ROBO3: variants seen among roughly 807,000 people sequenced by gnomAD.
ROBO3 encodes the protein roundabout homolog 3.
A neutral mutation model predicts 160.5 loss-of-function variants in ROBO3; 97 were observed. The observed-to-expected ratio is 0.60, with a 90% CI of 0.51 to 0.72. The LOEUF (loss-of-function observed/expected upper bound fraction) is 0.72. Ranked by LOEUF, ROBO3 falls within the 30% of genes least tolerant of loss-of-function variation. The pLI, the probability that ROBO3 is intolerant of heterozygous loss-of-function variation, is 0.00. For missense variants in ROBO3, 1,858 were observed against 1,846.5 expected (o/e 1.01, Z -0.11); for synonymous variants, 780 against 746.2 (o/e 1.05, Z -0.74).
rs34127060 is a variant in ROBO3, at chr11:124,869,429, G to GCCCCCCC, written c.488-15_488-14insCCCCCCC. 1.4e-4 allele frequency: 183 copies of GCCCCCCC among 1,301,716 alleles called. No individual in the cohort carries two copies. The highest frequency in any genetic ancestry group is 3.1e-4 in the African/African-American group (18 of 58,778). 80.6% of individuals were successfully genotyped at this position (1,301,716 alleles called of 1,614,324 possible). A position where few individuals can be genotyped will look rare whatever the true frequency, so the allele number is the denominator to read the frequency against. Reference sequence around the variant, plus strand: ...TGTCACTCTACACCCTGCTTATTTCGCCCCCCACCGCCCCGCCCAGTCCTC... The same window carrying GCCCCCCC: ...TGTCACTCTACACCCTGCTTATTTCGCCCCCCCCCCCCCACCGCCCCGCCCAGTCCTC... On this transcript the variant is annotated intron_variant, in intron 2 of 27. Transcript: ENST00000397801. This position sits in a 1 kb window ranked among gnomAD's most constrained non-coding sequence, Gnocchi z 4.2.
rs879228827 is a variant in ROBO3 at position 124,869,865 on chromosome 11, A to T, written c.646-83A>T. On this transcript the variant is annotated intron_variant, in intron 3 of 27. Coordinates refer to ENST00000397801, the MANE Select transcript of ROBO3 (RefSeq NM_022370.4). The surrounding 1 kb of genome is among the most constrained non-coding windows in gnomAD (Gnocchi z 4.2). Reference sequence around the variant, plus strand: ...TGTGAGGATCAAATAAACTTTATACATATGTATATACACATATATTCACCA... The same window carrying T: ...TGTGAGGATCAAATAAACTTTATACTTATGTATATACACATATATTCACCA... The T allele has an allele frequency of 6.7e-7, 1 of 1,497,512 alleles. No individual in the cohort carries two copies. The highest frequency in any genetic ancestry group is 1.2e-5 in the South Asian group (1 of 82,566). The allele number at this position is 1,497,512 out of a possible 1,614,324, so 92.8% of individuals were successfully genotyped here.
chr11:124,867,708 C>A, intron 1 of ROBO3, among the ~76,000 whole-genome samples: 1 of 142,064 alleles, frequency 7.0e-6, no homozygotes, highest in South Asian at 2.2e-4. Flanking sequence ...AGAGGGGGGG[C>A]AGGAAATGAA....
rs1208223943 is a variant in ROBO3, at chr11:124,871,146, G to A, written c.1158+8G>A. ...CAGAAGGAGGGGAGTCAGGTGGGTG[G>A]CCATCTCCAAGGAGCTTCCCATCAG... On this transcript the variant is annotated splice_region_variant and intron_variant, in intron 7 of 27. Coordinates refer to ENST00000397801, the MANE Select transcript of ROBO3 (RefSeq NM_022370.4). The A allele has an allele frequency of 3.7e-6, 6 of 1,610,650 alleles. No individual in the cohort carries two copies. Among genetic ancestry groups the A allele is most frequent in the Non-Finnish European group, 4.2e-6 (5 of 1,178,796 alleles).
Position 124,879,241 on chromosome 11 carries a change from G to A in ROBO3, c.3585G>A (p.Leu1195=). 1.9e-6 allele frequency: 3 copies of A among 1,560,798 alleles called. No individual in the cohort carries two copies. The highest frequency in any genetic ancestry group is 1.9e-5 in the Admixed American group (1 of 52,086). ...CTCTCAGTGTATCCCAGCCCATGCT[G>A]GGCATCCGTGAAGCGAGGCCTGCTG... ...SSPLSVSQPM[L]GIREARPAGL... The change falls in exon 24 of 28, where the codon CTG becomes CTA. Residue 1195 remains leucine (L), a synonymous_variant. Coordinates refer to ENST00000397801, the MANE Select transcript of ROBO3 (RefSeq NM_022370.4).
Position 124,865,784 on chromosome 11 carries a change from G to A in ROBO3, c.160+47G>A, listed in dbSNP as rs368900531. ...ATATGGGATCCTGGGATGGGGATGA[G>A]GTGAGAGGGCGGCGTGGAAGGGAAG... On this transcript the variant is annotated intron_variant, in intron 1 of 27. Transcript: ENST00000397801. The surrounding 1 kb of genome is among the most constrained non-coding windows in gnomAD (Gnocchi z 5.5). The A allele has an allele frequency of 9.1e-5, 141 of 1,547,568 alleles. 1 individual carries two copies. In the African/African-American group the frequency reaches 1.7e-3, roughly 19 times the overall value.
chr11:124,868,138 C>T (rs1002984207), intron 1 of ROBO3, among the ~76,000 whole-genome samples: 2 of 152,184 alleles, frequency 1.3e-5, no homozygotes, highest in African/African-American at 4.8e-5. Flanking sequence ...ATTTCTACTG[C>T]TATTTGCGTT....
rs758385638 is a variant in ROBO3 at position 124,865,557 on chromosome 11, C to A, written c.-21C>A. On this transcript the variant is annotated 5_prime_UTR_variant, in exon 1 of 28. Coordinates refer to ENST00000397801, the MANE Select transcript of ROBO3 (RefSeq NM_022370.4). The surrounding 1 kb of genome is among the most constrained non-coding windows in gnomAD (Gnocchi z 5.5). The stretch of plus-strand genomic sequence containing the variant: ...GGGCTGGGCCCCCAGCCCCCAGTCC[C>A]GATCCCAGCTGGGTCGAGCCATGCT... 2 of 1,608,574 alleles carry A rather than the reference C, an allele frequency of 1.2e-6. No individual in the cohort carries two copies. Among genetic ancestry groups the A allele is most frequent in the Non-Finnish European group, 8.5e-7 (1 of 1,179,110 alleles).
At chr11:124,866,056 C>T (rs954524578) in intron 1 of ROBO3, among the ~76,000 whole-genome samples, 1 of 152,144 alleles carries the variant, frequency 6.6e-6, no homozygotes, top group Non-Finnish European at 1.5e-5. Context: ...AAGAAAGGCC[C>T]GGGCCCAGCG....
Position 124,877,542 on chromosome 11 carries a change from C to T in ROBO3, c.2870C>T (p.Ala957Val), listed in dbSNP as rs764017135. The T allele has an allele frequency of 1.0e-5, 16 of 1,601,272 alleles. No individual in the cohort carries two copies. The highest frequency in any genetic ancestry group is 2.3e-5 in the East Asian group (1 of 44,190). ...SSRPPMGLGP[A>V]PYSWLADSWP... Reference sequence around the variant, plus strand: ...AGGCCACCCATGGGCCTTGGCCCCGCCCCCTACTCATGGCTGGCAGATTCG... The same window carrying T: ...AGGCCACCCATGGGCCTTGGCCCCGTCCCCTACTCATGGCTGGCAGATTCG... The change falls in exon 20 of 28, where the codon GCC becomes GTC. Residue 957 changes from alanine (A) to valine (V), a missense_variant. By Grantham distance (64) the Ala-to-Val change is moderately conservative (BLOSUM62 0). Coordinates refer to ENST00000397801, the MANE Select transcript of ROBO3 (RefSeq NM_022370.4).
rs1946362070 is a variant in ROBO3 at position 124,876,153 on chromosome 11, G to T, written c.2593+28G>T. The stretch of plus-strand genomic sequence containing the variant: ...GAGTCCACCCGAGGGCAGTGCTGAG[G>T]ATCTTGACGGGGGCGGGGCAAGCCC... On this transcript the variant is annotated intron_variant, in intron 16 of 27. Coordinates refer to ENST00000397801, the MANE Select transcript of ROBO3 (RefSeq NM_022370.4). The surrounding 1 kb of genome is among the most constrained non-coding windows in gnomAD (Gnocchi z 5.3). 2.5e-6 allele frequency: 4 copies of T among 1,573,180 alleles called. No homozygotes were observed. The highest frequency in any genetic ancestry group is 3.5e-5 in the Admixed American group (2 of 57,460).
Position 124,874,202 on chromosome 11 carries a change from G to C in ROBO3, c.1917G>C (p.Glu639Asp). ...VRAVGAWGLSEPSPVSEPVRT... is the reference protein window; with the variant it reads ...VRAVGAWGLSDPSPVSEPVRT... The stretch of plus-strand genomic sequence containing the variant: ...CAGTGGGAGCCTGGGGCCTCAGTGA[G>C]CCCAGCCCCGTCTCTGAGCCTGTCC... Residue 639 changes from glutamate (E) to aspartate (D), a missense_variant, in exon 12 of 28, where the codon GAG (glutamate) becomes GAC (aspartate). Transcript: ENST00000397801. 1 of 1,613,942 alleles carries C rather than the reference G, an allele frequency of 6.2e-7. No homozygotes were observed.
At position 124,877,173 on chromosome 11, in the gene ROBO3, A is replaced by G. The variant is rs373901661; in HGVS notation, c.2792A>G (p.Tyr931Cys). Residue 931 changes from tyrosine to cysteine, a missense_variant, in exon 18 of 28, where the codon TAC (tyrosine) becomes TGC (cysteine). Coordinates refer to ENST00000397801, the MANE Select transcript of ROBO3 (RefSeq NM_022370.4). ...TCCTTTCTGGAAGCCTCTTTTGCCT[A>G]CACACCGGCAGGTAAGCCATCTCTG... ...ELSHYTASFA[Y>C]TPAVSFPHSE... 187 of 1,613,794 alleles carry G rather than the reference A, an allele frequency of 1.2e-4. No homozygotes were observed. The highest frequency in any genetic ancestry group is 1.4e-4 in the Non-Finnish European group (167 of 1,179,832).
intron 13 of ROBO3, 22 bp downstream of exon 13, chr11:124,874,931 G>A: frequency 3.1e-6 from 5 of 1,598,690 alleles, no homozygotes; most frequent in Non-Finnish European, 4.3e-6. Flanking sequence ...ATGGGGAGGA[G>A]ATTCAGGGTG....
intron 1 of ROBO3, 102 bp from the exon 2 acceptor site, chr11:124,868,700 C>G (rs550530202): frequency 8.4e-7 from 1 of 1,190,438 alleles, no homozygotes; most frequent in Admixed American, 2.0e-5. Context: ...CGCAGAGAAG[C>G]ATAGGAGATG....
At chr11:124,875,744 C>G in intron 15 of ROBO3, 59 bp downstream of exon 15, 1 of 1,550,140 alleles carries the variant, frequency 6.5e-7, no homozygotes, top group Non-Finnish European at 8.8e-7. Context: ...GAGGGAGGAC[C>G]TAGTGGCTAG....
chr11:124,869,438 C>CCCCCCCCCCCCCCCCCCCCCCCT lies in ROBO3; in HGVS notation c.488-12_488-11insCCCCCCCCCCCCCCCCCCCCCCT. ...ACACCCTGCTTATTTCGCCCCCCAC[C>CCCCCCCCCCCCCCCCCCCCCCCT]GCCCCGCCCAGTCCTCCGTGATGAT... On this transcript the variant is annotated splice_polypyrimidine_tract_variant and intron_variant, in intron 2 of 27. Coordinates refer to ENST00000397801, the MANE Select transcript of ROBO3 (RefSeq NM_022370.4). The surrounding 1 kb of genome is among the most constrained non-coding windows in gnomAD (Gnocchi z 4.2). 1 of 1,450,044 alleles carries CCCCCCCCCCCCCCCCCCCCCCCT rather than the reference C, an allele frequency of 6.9e-7. No homozygotes were observed. 89.8% of individuals were successfully genotyped at this position (1,450,044 alleles called of 1,614,324 possible).
chr11:124,875,527 A>C (rs1946345408), intron 14 of ROBO3, 37 bp from the exon 15 acceptor site: 2 of 1,608,474 alleles, frequency 1.2e-6, no homozygotes, highest in Admixed American at 3.4e-5. Flanking sequence ...TGCAATGACT[A>C]TTTGTGTCCT....
chr11:124,877,243 C>T (rs1033868169), intron 18 of ROBO3, 24 bp from the exon 19 acceptor site: 1 of 1,613,966 alleles, frequency 6.2e-7, no homozygotes, highest in South Asian at 1.1e-5. Context: ...TTCTCTCACT[C>T]ATTCGCCCCC....
chr11:124,879,410 C>T (rs556585161), intron 24 of ROBO3, 55 bp from the exon 25 acceptor site: 25 of 1,608,516 alleles, frequency 1.6e-5, no homozygotes, highest in Non-Finnish European at 2.1e-5. Flanking sequence ...ACCCTTAGGC[C>T]TTTTTCCTGA....
Sources: allele counts gnomAD v4.1 joint callset (sites outside exome capture counted in the v4.1 genomes callset), GRCh38; gene constraint gnomAD v4.1.1; non-coding constraint Gnocchi (gnomAD v3.1); transcripts MANE v1.5; gene names NCBI Gene and HGNC (gene_info 2026-07-23, HGNC 2026-07-21).